MAGI2: variants seen among roughly 807,000 people sequenced by gnomAD.
MAGI2 encodes the protein membrane associated guanylate kinase, WW and PDZ domain containing 2.
MAGI2 carries 35 observed loss-of-function variants against 133.3 expected under a neutral mutation model. The ratio of observed to expected loss-of-function variants is 0.26; its 90% CI spans 0.20 to 0.35. The LOEUF is 0.35. MAGI2 is among the 10% of genes least tolerant of loss of function. The probability of loss-of-function intolerance (pLI) is 1.00; values close to 1 mark genes in which losing one functional copy is unlikely to be tolerated. For missense variants in MAGI2, 1,636 were observed against 1,863.4 expected (o/e 0.88, Z 2.25); for synonymous variants, 729 against 710.6 (o/e 1.03, Z -0.41).
intron 1 of MAGI2, among the ~76,000 whole-genome samples, chr7:79,096,135 G>GTTGCTGGGAGGCA (rs1313416007): frequency 6.6e-6 from 1 of 152,110 alleles, no homozygotes; most frequent in Non-Finnish European, 1.5e-5. Flanking sequence ...TGAATATGGT[G>GTTGCTGGGAGGCA]TTGCTGGGAG....
chr7:78,269,672 C>T (rs1794371336), intron 9 of MAGI2, among the ~76,000 whole-genome samples: 1 of 151,922 alleles, frequency 6.6e-6, no homozygotes, highest in Non-Finnish European at 1.5e-5. Flanking sequence ...GGATATTAGC[C>T]CTTTGTCAGA....
intron 2 of MAGI2, among the ~76,000 whole-genome samples, chr7:78,761,222 G>A (rs1888239): frequency 0.4 from 60,398 of 151,978 alleles, 12,682 homozygotes; most frequent in Non-Finnish European, 0.48. Context: ...TGTAGTAAGC[G>A]TCATTTCCCT....
At chr7:78,683,410 A>T (rs1208596190) in intron 2 of MAGI2, among the ~76,000 whole-genome samples, 6 of 152,216 alleles carry the variant, frequency 3.9e-5, no homozygotes, top group Admixed American at 3.9e-4. Flanking sequence ...TCAAGGGCAG[A>T]GTATGAACAA....
chr7:78,626,419 T>A (rs976395456), intron 3 of MAGI2, among the ~76,000 whole-genome samples: 1 of 152,154 alleles, frequency 6.6e-6, no homozygotes, highest in Non-Finnish European at 1.5e-5. Flanking sequence ...ACAACTAAGG[T>A]TTAGTGACAT....
chr7:78,554,285 G>T (rs1191540884), intron 3 of MAGI2, among the ~76,000 whole-genome samples: 1 of 152,202 alleles, frequency 6.6e-6, no homozygotes, highest in Admixed American at 6.5e-5. Context: ...GTAAGCGCTT[G>T]TGAAAGTGCT....
chr7:78,429,206 A>T (rs1162706432), intron 6 of MAGI2, among the ~76,000 whole-genome samples: 1 of 152,160 alleles, frequency 6.6e-6, no homozygotes, highest in African/African-American at 2.4e-5. Flanking sequence ...ATATTAATAA[A>T]TCGCCACATT....
intron 9 of MAGI2, among the ~76,000 whole-genome samples, chr7:78,267,777 C>G (rs1318246957): frequency 6.6e-6 from 1 of 152,150 alleles, no homozygotes; most frequent in Non-Finnish European, 1.5e-5. Flanking sequence ...CACACAGATT[C>G]TTAAGGGGAT....
At chr7:78,152,224 A>G (rs1180858345) in intron 16 of MAGI2, among the ~76,000 whole-genome samples, 1 of 152,160 alleles carries the variant, frequency 6.6e-6, no homozygotes, top group Non-Finnish European at 1.5e-5. Flanking sequence ...GCCTGGGAGA[A>G]ACCTTCATAC....
intron 1 of MAGI2, among the ~76,000 whole-genome samples, chr7:79,394,008 T>C (rs779290199): frequency 2.0e-5 from 3 of 152,156 alleles, no homozygotes; most frequent in Non-Finnish European, 4.4e-5. Flanking sequence ...CATCAACTCA[T>C]CAACATCAAC....
At chr7:78,932,690 C>T (rs1800227542) in intron 2 of MAGI2, among the ~76,000 whole-genome samples, 1 of 151,890 alleles carries the variant, frequency 6.6e-6, no homozygotes, top group African/African-American at 2.4e-5. Flanking sequence ...AGGATGGCTG[C>T]AGAAATTTAA....
intron 1 of MAGI2, among the ~76,000 whole-genome samples, chr7:79,014,721 G>T (rs1808514769): frequency 6.6e-6 from 1 of 151,922 alleles, no homozygotes; most frequent in Non-Finnish European, 1.5e-5. Context: ...ATTATTGAAG[G>T]TTAATAAACC....
intron 6 of MAGI2, among the ~76,000 whole-genome samples, chr7:78,418,933 G>T (rs1798546017): frequency 1.3e-5 from 2 of 152,088 alleles, no homozygotes; most frequent in South Asian, 2.1e-4. Flanking sequence ...CAGCAATAAG[G>T]TCTGAATATT....
chr7:78,355,011 G>T (rs1791917423), intron 7 of MAGI2, among the ~76,000 whole-genome samples: 1 of 152,126 alleles, frequency 6.6e-6, no homozygotes, highest in Non-Finnish European at 1.5e-5. Flanking sequence ...GCAATAAGTT[G>T]CTTCAGTGTT....
intron 21 of MAGI2, among the ~76,000 whole-genome samples, chr7:78,052,356 C>T (rs919248141): frequency 1.3e-5 from 2 of 152,176 alleles, no homozygotes; most frequent in Non-Finnish European, 2.9e-5. Flanking sequence ...ACCCCCTCCT[C>T]TTTCTTGCTT....
rs547080606 is a variant in MAGI2, at chr7:79,104,653, G to A, written c.302-97447C>T. 5.9e-5 allele frequency among the ~76,000 whole-genome samples: 9 copies of A among 152,034 alleles called. No individual in the cohort carries two copies. The South Asian group carries it at 1.9e-3, about 32-fold the overall frequency. Reference sequence around the variant, plus strand: ...CCGCACTTTAGCCTGGCAACAGAGCGAGACTCCATCTCAAAAATAAATAAA... The same window carrying A: ...CCGCACTTTAGCCTGGCAACAGAGCAAGACTCCATCTCAAAAATAAATAAA... On this transcript the variant is annotated intron_variant, in intron 1 of 21. Transcript: ENST00000354212.
At position 79,134,321 on chromosome 7, in the gene MAGI2, T is replaced by C. The variant is rs556809946; in HGVS notation, c.302-127115A>G. Among the ~76,000 whole-genome samples the C allele has an allele frequency of 2.6e-5, 4 of 152,320 alleles. No homozygotes were observed. In the East Asian group the frequency reaches 7.7e-4, roughly 29 times the overall value. Reference sequence around the variant, plus strand: ...CACAGGCATCTGTTTTGTCCACAGATTTCTCATCAAACCCTCTTTAGTACT... The same window carrying C: ...CACAGGCATCTGTTTTGTCCACAGACTTCTCATCAAACCCTCTTTAGTACT... On this transcript the variant is annotated intron_variant, in intron 1 of 21. Transcript: ENST00000354212.
At chr7:78,458,078 A>G (rs1400343806) in intron 6 of MAGI2, among the ~76,000 whole-genome samples, 4 of 152,054 alleles carry the variant, frequency 2.6e-5, no homozygotes, top group Non-Finnish European at 4.4e-5. Flanking sequence ...CGGGCAGATC[A>G]TGAGGTCAGG....
chr7:79,112,558 G>GA (rs1277862091), intron 1 of MAGI2, among the ~76,000 whole-genome samples: 1 of 152,094 alleles, frequency 6.6e-6, no homozygotes, highest in East Asian at 1.9e-4. Flanking sequence ...AGATGTCAAT[G>GA]AAAAAACTAC....
At position 78,347,509 on chromosome 7, in the gene MAGI2, G is replaced by A. The variant is rs374182503; in HGVS notation, c.1104-1466C>T. Reference sequence around the variant, plus strand: ...TAGTGTCTTAATCTGTAATAGCAGCGTAATGCCTCCTTCTTGGGGTGGTTG... The same window carrying A: ...TAGTGTCTTAATCTGTAATAGCAGCATAATGCCTCCTTCTTGGGGTGGTTG... On this transcript the variant is annotated intron_variant, in intron 7 of 21. Coordinates refer to ENST00000354212, the MANE Select transcript of MAGI2 (RefSeq NM_012301.4). Among the ~76,000 whole-genome samples, 24 of 152,284 alleles carry A rather than the reference G, an allele frequency of 1.6e-4. No homozygotes were observed. The East Asian group carries it at 1.9e-3, about 12-fold the overall frequency.
Sources: allele counts gnomAD v4.1 joint callset (sites outside exome capture counted in the v4.1 genomes callset), GRCh38; gene constraint gnomAD v4.1.1; transcripts MANE v1.5; gene names NCBI Gene and HGNC (gene_info 2026-07-23, HGNC 2026-07-21).